Variants in NRIP1 observed in about 807,000 individuals in gnomAD.
NRIP1 encodes the protein nuclear receptor-interacting protein 1.
Under a neutral mutation model 75.0 loss-of-function variants are expected in NRIP1, and 28 were observed. That is an observed-to-expected ratio of 0.37 (90% CI 0.28 to 0.51). NRIP1 has a LOEUF of 0.51. NRIP1 is among the 20% of genes least tolerant of loss of function. NRIP1 has a pLI of 0.92. For synonymous variants in NRIP1, 526 were observed against 487.6 expected (o/e 1.08, Z -1.04); for missense variants, 1,435 against 1,343.7 (o/e 1.07, Z -1.06).
At chr21:15,053,242 C>T (rs1238014950) in intron 1 of NRIP1, among the ~76,000 whole-genome samples, 1 of 152,140 alleles carries the variant, frequency 6.6e-6, no homozygotes, top group Non-Finnish European at 1.5e-5. Flanking sequence ...TTAAAATTCA[C>T]AGTGAATGTG....
At chr21:14,975,848 A>G (rs2087050194) in intron 3 of NRIP1, among the ~76,000 whole-genome samples, 1 of 152,124 alleles carries the variant, frequency 6.6e-6, no homozygotes, top group South Asian at 2.1e-4. Context: ...TAAAATGCCA[A>G]AATACTTAAA....
chr21:14,979,114 A>C (rs1007484186), intron 3 of NRIP1, among the ~76,000 whole-genome samples: 26 of 152,220 alleles, frequency 1.7e-4, no homozygotes, highest in African/African-American at 6.0e-4. Flanking sequence ...ATGAACACAA[A>C]ATAATCATTA....
intron 1 of NRIP1, among the ~76,000 whole-genome samples, chr21:15,054,377 CA>C (rs894993898): frequency 3.4e-5 from 5 of 148,750 alleles, no homozygotes; most frequent in Admixed American, 1.3e-4. Flanking sequence ...CATTTCCTTA[CA>C]AAAAAAATGT....
chr21:15,028,753 TTTA>T (rs1455530075), intron 2 of NRIP1, among the ~76,000 whole-genome samples: 14 of 152,324 alleles, frequency 9.2e-5, no homozygotes, highest in African/African-American at 3.4e-4. Flanking sequence ...TTTCCTATTC[TTTA>T]TTGTTATTAT....
At chr21:15,040,579 G>C (rs187895362) in intron 2 of NRIP1, among the ~76,000 whole-genome samples, 6 of 152,162 alleles carry the variant, frequency 3.9e-5, no homozygotes, top group Admixed American at 3.3e-4. Context: ...AATATTCAAA[G>C]AGGTGTCCAA....
At chr21:14,995,085 A>G (rs185154978) in intron 3 of NRIP1, among the ~76,000 whole-genome samples, 91 of 152,376 alleles carry the variant, frequency 6.0e-4, no homozygotes, top group Admixed American at 1.3e-3. Context: ...TATTGCAAAT[A>G]CAGCTTCTGA....
intron 2 of NRIP1, among the ~76,000 whole-genome samples, chr21:15,034,061 T>C (rs770800986): frequency 6.6e-6 from 1 of 152,222 alleles, no homozygotes; most frequent in African/African-American, 2.4e-5. Flanking sequence ...GCAATTTCTA[T>C]TGCAAATTCA....
intron 3 of NRIP1, among the ~76,000 whole-genome samples, chr21:15,004,777 C>T (rs995944542): frequency 6.6e-5 from 10 of 152,256 alleles, no homozygotes; most frequent in Non-Finnish European, 1.2e-4. Context: ...CTGAATGATA[C>T]GTGCTGTTAT....
rs1291136006 is a variant in NRIP1 at position 14,964,931 on chromosome 21, CCTTGT to C, written c.3257_3261del (p.Asp1086GlyfsTer10). 6.8e-6 allele frequency: 11 copies of C among 1,613,654 alleles called. No individual in the cohort carries two copies. The African/African-American group carries it at 9.3e-5, about 14-fold the overall frequency. ...GCAGATGAAGCCTCCCTCCAAATGTCCTTGTCTTGTGTTTCTCGACTGGTAACAGA... is the reference window on the plus strand; with the variant it reads ...GCAGATGAAGCCTCCCTCCAAATGTCCTTGTGTTTCTCGACTGGTAACAGA... On this transcript the variant is annotated frameshift_variant, in exon 4 of 4. Coordinates refer to ENST00000318948, the MANE Select transcript of NRIP1 (RefSeq NM_003489.4). LOFTEE classifies it high-confidence loss of function.
In NRIP1 at chr21:14,967,531, T is replaced by C. The variant is rs139263261; in HGVS notation, c.662A>G (p.His221Arg). 19,054 of 1,614,146 alleles carry C rather than the reference T, an allele frequency of 0.012. 147 individuals are homozygous for C. The highest frequency in any genetic ancestry group is 0.013 in the Non-Finnish European group (15,608 of 1,179,998). Residue 221 changes from histidine to arginine, a missense_variant, in exon 4 of 4, where the codon CAT becomes CGT. His to Arg is a conservative substitution (Grantham distance 29, BLOSUM62 0). Transcript: ENST00000318948. ...GACCTTTGTTCCACTTTGTCCAACA[T>C]GATGAGGAGACTCTGCAAACCTATC... ...IRDRFAESPH[H>R]VGQSGTKVMS...
intron 3 of NRIP1, among the ~76,000 whole-genome samples, chr21:14,996,933 GATAA>G (rs1485635139): frequency 7.3e-5 from 11 of 151,720 alleles, no homozygotes; most frequent in East Asian, 3.9e-4. Context: ...CTTGTATAAA[GATAA>G]ATAAATCACT....
At position 15,014,864 on chromosome 21, in the gene NRIP1, T is replaced by C. The variant is rs190719947; in HGVS notation, c.-457-398A>G. On this transcript the variant is annotated intron_variant, in intron 2 of 3. Transcript: ENST00000318948. ...AAAGAATAGCTATAGTTTTCTTATA[T>C]GGAACTTTTTCAGTTTCAAAATACC... Among the ~76,000 whole-genome samples, 512 of 151,952 alleles carry C rather than the reference T, an allele frequency of 3.4e-3. 1 individual carries two copies. Among genetic ancestry groups the C allele is most frequent in the African/African-American group, 0.012 (478 of 41,482 alleles).
At chr21:15,060,519 C>T (rs1273697668) in intron 1 of NRIP1, among the ~76,000 whole-genome samples, 1 of 152,128 alleles carries the variant, frequency 6.6e-6, no homozygotes, top group Admixed American at 6.5e-5. Flanking sequence ...ACTCAGAACA[C>T]GGTTTTCCCT....
rs573011064 is a variant in NRIP1, at chr21:15,031,397, G to A, written c.-458+12098C>T. The stretch of plus-strand genomic sequence containing the variant: ...TATACACTCTGGAAGGCGCTCGGAG[G>A]ATCACCACATTCCCTTTCTATGTGT... On this transcript the variant is annotated intron_variant, in intron 2 of 3. Transcript: ENST00000318948. Among the ~76,000 whole-genome samples the A allele has an allele frequency of 2.3e-5, 3 of 131,406 alleles. No homozygotes were observed. In the South Asian group the frequency reaches 8.0e-4, roughly 35 times the overall value. 86.2% of individuals were successfully genotyped at this position (131,406 alleles called of 152,430 possible). A position where few individuals can be genotyped will look rare whatever the true frequency, so the allele number is the denominator to read the frequency against.
chr21:15,064,662 C>A, intron 1 of NRIP1, 83 bp downstream of exon 1: 1 of 151,134 alleles, frequency 6.6e-6, no homozygotes, highest in African/African-American at 2.4e-5. Context: ...CAAGCGAGAG[C>A]CGACGCGGGC....
At position 14,966,720 on chromosome 21, in the gene NRIP1, C is replaced by T. The variant is rs538647276; in HGVS notation, c.1473G>A (p.Lys491=). 1.2e-6 allele frequency: 2 copies of T among 1,613,974 alleles called. No individual in the cohort carries two copies. Among genetic ancestry groups the T allele is most frequent in the Admixed American group, 3.3e-5 (2 of 59,992 alleles). ...KEDQDTSKNS[K]LNSHQKVTLL... ...GTGTTACTTTCTGGTGTGAGTTTAG[C>T]TTAGAATTCTTTGAGGTATCTTGAT... Residue 491 remains lysine (K), a synonymous_variant, in exon 4 of 4, where the codon AAG becomes AAA. Coordinates refer to ENST00000318948, the MANE Select transcript of NRIP1 (RefSeq NM_003489.4).
intron 3 of NRIP1, among the ~76,000 whole-genome samples, chr21:14,972,458 T>C (rs1204634232): frequency 2.0e-5 from 3 of 152,320 alleles, no homozygotes; most frequent in South Asian, 2.1e-4. Context: ...GTTAAAATGT[T>C]ATTTTAAGTT....
chr21:14,985,754 G>T (rs890388543), intron 3 of NRIP1, among the ~76,000 whole-genome samples: 1 of 152,094 alleles, frequency 6.6e-6, no homozygotes, highest in Non-Finnish European at 1.5e-5. Context: ...TATCAAGAAT[G>T]AGTATATGCT....
chr21:15,038,164 C>T (rs2088875759), intron 2 of NRIP1, among the ~76,000 whole-genome samples: 1 of 152,106 alleles, frequency 6.6e-6, no homozygotes, highest in Admixed American at 6.5e-5. Context: ...TTTATCATCT[C>T]ATATTTATCC....
Sources: allele counts gnomAD v4.1 joint callset (sites outside exome capture counted in the v4.1 genomes callset), GRCh38; gene constraint gnomAD v4.1.1; transcripts MANE v1.5; gene names NCBI Gene and HGNC (gene_info 2026-07-23, HGNC 2026-07-21).